Variants in SLIT3 observed in about 807,000 individuals in gnomAD.
The protein encoded by SLIT3 is slit homolog 3 protein.
Under a neutral mutation model 184.0 loss-of-function variants are expected in SLIT3, and 68 were observed. The observed-to-expected ratio is 0.37, with a 90% CI of 0.30 to 0.45. The LOEUF (loss-of-function observed/expected upper bound fraction) is 0.45. Among genes scored for constraint, SLIT3 ranks in the 20% least tolerant of loss-of-function variants. The pLI, the probability that SLIT3 is intolerant of heterozygous loss-of-function variation, is 1.00. For missense variants in SLIT3, 1,707 were observed against 2,026.0 expected, an observed-to-expected ratio of 0.84 and a Z score of 3.02; for synonymous variants, 831 against 828.6, an observed-to-expected ratio of 1.00 and a Z score of -0.05.
At chr5:169,224,616 C>A (rs973904771) in intron 3 of SLIT3, among the ~76,000 whole-genome samples, 7 of 152,158 alleles carry the variant, frequency 4.6e-5, no homozygotes, top group Admixed American at 4.6e-4. Flanking sequence ...GATCTTCCCA[C>A]TTCAGCCTCC....
At chr5:169,145,450 C>T (rs927450179) in intron 4 of SLIT3, among the ~76,000 whole-genome samples, 1 of 152,172 alleles carries the variant, frequency 6.6e-6, no homozygotes, top group Non-Finnish European at 1.5e-5. Flanking sequence ...GCCCACAGAC[C>T]TCCACTTAAT....
intron 4 of SLIT3, among the ~76,000 whole-genome samples, chr5:169,015,929 TAAAC>T (rs1175749565): frequency 9.8e-6 from 1 of 101,898 alleles, no homozygotes; most frequent in South Asian, 3.3e-4. Flanking sequence ...CAGAAAAATA[TAAAC>T]ACACACACAC....
intron 6 of SLIT3, among the ~76,000 whole-genome samples, chr5:168,823,616 G>A (rs1315587250): frequency 6.6e-6 from 1 of 152,134 alleles, no homozygotes; most frequent in Non-Finnish European, 1.5e-5. Flanking sequence ...CCTATGCACT[G>A]AGTGCTTCAT....
intron 4 of SLIT3, among the ~76,000 whole-genome samples, chr5:168,966,489 C>T (rs988577553): frequency 1.3e-5 from 2 of 152,124 alleles, no homozygotes; most frequent in Non-Finnish European, 2.9e-5. Context: ...CCAGTGCTGC[C>T]TCTTGGTATG....
chr5:168,845,790 C>T (rs1758441608), intron 5 of SLIT3, among the ~76,000 whole-genome samples: 1 of 152,118 alleles, frequency 6.6e-6, no homozygotes, highest in African/African-American at 2.4e-5. Flanking sequence ...TTATTGACAC[C>T]AGATTGTTGT....
chr5:169,029,709 C>CCTTT (rs1756954446), intron 4 of SLIT3, among the ~76,000 whole-genome samples: 1 of 152,102 alleles, frequency 6.6e-6, no homozygotes, highest in Non-Finnish European at 1.5e-5. Context: ...AATTTCAAGG[C>CCTTT]CTTTCATCTC....
intron 4 of SLIT3, among the ~76,000 whole-genome samples, chr5:168,967,456 TTGAGACGGA>T (rs1214640626): frequency 1.4e-5 from 1 of 70,252 alleles, no homozygotes; most frequent in East Asian, 4.9e-4. Flanking sequence ...TTTTTTTTTT[TTGAGACGGA>T]GTCTCGCTCT....
chr5:168,838,239 C>T (rs2974428), intron 6 of SLIT3, among the ~76,000 whole-genome samples: 52,317 of 151,950 alleles, frequency 0.34, 10,379 homozygotes, highest in African/African-American at 0.55. Flanking sequence ...GTAGTCCCCT[C>T]GTACTTGCCA....
chr5:169,246,783 G>A (rs980319777), intron 2 of SLIT3, among the ~76,000 whole-genome samples: 1 of 151,868 alleles, frequency 6.6e-6, no homozygotes, highest in African/African-American at 2.4e-5. Context: ...GCTGGGTGTG[G>A]TGGTGCATGC....
chr5:168,671,095 T>A, intron 34 of SLIT3, 103 bp downstream of exon 34: 1 of 1,326,154 alleles, frequency 7.5e-7, no homozygotes, highest in Non-Finnish European at 1.0e-6. Flanking sequence ...GCGGTCTGAC[T>A]GCAACTCCTC....
At chr5:168,899,107 C>T (rs779005469) in intron 4 of SLIT3, among the ~76,000 whole-genome samples, 1 of 152,236 alleles carries the variant, frequency 6.6e-6, no homozygotes, top group Non-Finnish European at 1.5e-5. Context: ...TACCCTTTTG[C>T]TCTTTCAGCT....
intron 4 of SLIT3, among the ~76,000 whole-genome samples, chr5:169,141,434 T>G (rs1012649930): frequency 6.6e-6 from 1 of 151,914 alleles, no homozygotes; most frequent in African/African-American, 2.4e-5. Context: ...GTTTTTTTTT[T>G]TGTTTTTTGA....
intron 4 of SLIT3, among the ~76,000 whole-genome samples, chr5:168,988,482 C>G (rs1755209033): frequency 6.6e-6 from 1 of 152,104 alleles, no homozygotes; most frequent in African/African-American, 2.4e-5. Context: ...TTGAGTCTAA[C>G]TCTCAGCTCT....
chr5:169,123,489 C>T (rs112882020), intron 4 of SLIT3, among the ~76,000 whole-genome samples: 6 of 152,200 alleles, frequency 3.9e-5, no homozygotes, highest in East Asian at 1.9e-4. Context: ...TAATTAAAAG[C>T]GCAAACCATA....
chr5:168,823,495 C>T (rs903705651), intron 6 of SLIT3, among the ~76,000 whole-genome samples, 164 bp from the exon 7 acceptor site: 16 of 152,086 alleles, frequency 1.1e-4, no homozygotes, highest in African/African-American at 2.4e-4. Flanking sequence ...GGTCTCCAGA[C>T]GAGAAGAGCA....
At chr5:168,904,375 T>A (rs1760973715) in intron 4 of SLIT3, among the ~76,000 whole-genome samples, 1 of 152,144 alleles carries the variant, frequency 6.6e-6, no homozygotes, top group South Asian at 2.1e-4. Flanking sequence ...TGATAATCAG[T>A]CTTTTGGTAT....
At chr5:169,225,996 G>C (rs1313288060) in intron 3 of SLIT3, among the ~76,000 whole-genome samples, 1 of 152,180 alleles carries the variant, frequency 6.6e-6, no homozygotes, top group East Asian at 1.9e-4. Context: ...AGCAAGAGAA[G>C]ATAATGGCGC....
At chr5:169,246,355 G>A (rs898905893) in intron 2 of SLIT3, among the ~76,000 whole-genome samples, 11 of 152,144 alleles carry the variant, frequency 7.2e-5, no homozygotes, top group Non-Finnish European at 7.3e-5. Flanking sequence ...AGACTTGCTC[G>A]AGGAGAAATT....
chr5:169,202,598 A>G (rs1763936574), intron 3 of SLIT3, among the ~76,000 whole-genome samples: 1 of 152,178 alleles, frequency 6.6e-6, no homozygotes, highest in Non-Finnish European at 1.5e-5. Flanking sequence ...CAATAATCCC[A>G]GCAGGGAGGA....
Sources: allele counts gnomAD v4.1 joint callset (sites outside exome capture counted in the v4.1 genomes callset), GRCh38; gene constraint gnomAD v4.1.1; transcripts MANE v1.5; gene names NCBI Gene and HGNC (gene_info 2026-07-23, HGNC 2026-07-21).